Variants in CTRB1 observed in about 807,000 individuals in gnomAD.
CTRB1 encodes the protein chymotrypsinogen B1.
Under a neutral mutation model 20.4 loss-of-function variants are expected in CTRB1, and 15 were observed. The ratio of observed to expected loss-of-function variants is 0.74; its 90% CI spans 0.49 to 1.13. CTRB1 has a LOEUF of 1.13. CTRB1 is among the 50% of genes most tolerant of loss of function. The pLI is 0.00. For synonymous variants in CTRB1, 92 were observed against 128.4 expected, an observed-to-expected ratio of 0.72 and a Z score of 1.92; for missense variants, 227 against 290.1, an observed-to-expected ratio of 0.78 and a Z score of 1.58.
chr16:75,219,409 G>C (rs375234628), intron 1 of CTRB1, among the ~76,000 whole-genome samples: 1 of 148,002 alleles, frequency 6.8e-6, no homozygotes, highest in Non-Finnish European at 1.5e-5. Context: ...TTTTTTTTTC[G>C]AGACAGAATT....
chr16:75,219,259 A>G (rs1463585168), intron 1 of CTRB1, among the ~76,000 whole-genome samples, 200 bp downstream of exon 1: 1 of 152,144 alleles, frequency 6.6e-6, no homozygotes, highest in Non-Finnish European at 1.5e-5. Context: ...GGTCTCTGCC[A>G]TGGTCTGAGG....
rs188453193 is a variant in CTRB1, at chr16:75,222,626, C to G, written c.53-142C>G. 337 of 851,806 alleles carry G rather than the reference C, an allele frequency of 4.0e-4. 5 individuals carry two copies. In the East Asian group the frequency reaches 8.9e-3, roughly 23 times the overall value. The allele number at this position is 851,806 out of a possible 1,614,324, so 52.8% of individuals were successfully genotyped here. A position where few individuals can be genotyped will look rare whatever the true frequency, so the allele number is the denominator to read the frequency against. On this transcript the variant is annotated intron_variant, in intron 1 of 6. Transcript: ENST00000361017. ...CGTTTGAGCCTAGAGACTTGGGGAC[C>G]AGGGAGGCGGAGGCGGCATGTGCCA...
chr16:75,224,730 GC>G lies in CTRB1; in HGVS notation c.658del (p.Gln220LysfsTer?). On this transcript the variant is annotated frameshift_variant, in exon 7 of 7. Coordinates refer to ENST00000361017, the MANE Select transcript of CTRB1 (RefSeq NM_001906.6). LOFTEE classifies it low-confidence loss of function (END_TRUNC). ...CMGDSGGPLV[C>X]QKDGAWTLVG... ...GGCGACTCTGGCGGCCCCCTGGTCT[GC>G]CAAAAGGATGGAGCCTGGACCCTGG... 1 of 1,612,730 alleles carries G rather than the reference GC, an allele frequency of 6.2e-7. No homozygotes were observed. Among genetic ancestry groups the G allele is most frequent in the Non-Finnish European group, 8.5e-7 (1 of 1,179,650 alleles).
In CTRB1 at chr16:75,224,081, C is replaced by G. The variant is rs1215557912; in HGVS notation, c.523C>G (p.Gln175Glu). The G allele has an allele frequency of 5.0e-6, 6 of 1,201,312 alleles. No individual in the cohort carries two copies. The highest frequency in any genetic ancestry group is 3.4e-5 in the African/African-American group (2 of 58,810). 74.4% of individuals were successfully genotyped at this position (1,201,312 alleles called of 1,614,324 possible). The change falls in exon 6 of 7, where the codon CAG becomes GAG. Residue 175 changes from glutamine to glutamate, a missense_variant. This residue lies in a region of CTRB1 where 36 missense variants were observed against 51.6 expected (regional missense o/e 0.70). Coordinates refer to ENST00000361017, the MANE Select transcript of CTRB1 (RefSeq NM_001906.6). ...CAACAAGACCCCTGACAAGCTGCAG[C>G]AGGCAGCCCTGCCCCTCCTGTCCAA... is the stretch of plus-strand genomic sequence containing the variant. ...NANKTPDKLQ[Q>E]AALPLLSNAE...
At chr16:75,219,138 G>GC in intron 1 of CTRB1, 79 bp downstream of exon 1, 2 of 1,435,190 alleles carry the variant, frequency 1.4e-6, no homozygotes, top group Non-Finnish European at 1.9e-6. Flanking sequence ...CCCCTGCTCT[G>GC]CCCCCTGGGG....
intron 1 of CTRB1, among the ~76,000 whole-genome samples, chr16:75,220,510 G>A (rs1228026849): frequency 6.6e-6 from 1 of 152,142 alleles, no homozygotes; most frequent in Non-Finnish European, 1.5e-5. Flanking sequence ...TGTCCAGGCT[G>A]GTCTCGAAAT....
At chr16:75,220,680 GT>G (rs2039070805) in intron 1 of CTRB1, among the ~76,000 whole-genome samples, 1 of 152,214 alleles carries the variant, frequency 6.6e-6, no homozygotes. Flanking sequence ...GCATGTTGAC[GT>G]GGAGTTTCAG....
chr16:75,221,088 T>G (rs566704856), intron 1 of CTRB1, among the ~76,000 whole-genome samples: 1 of 152,312 alleles, frequency 6.6e-6, no homozygotes, highest in East Asian at 1.9e-4. Context: ...GGAGGCACCT[T>G]GCCTGCCTGT....
At chr16:75,221,248 C>G (rs1042896780) in intron 1 of CTRB1, among the ~76,000 whole-genome samples, 1 of 152,202 alleles carries the variant, frequency 6.6e-6, no homozygotes, top group African/African-American at 2.4e-5. Context: ...GAATCTGGTC[C>G]TGACATAGCA....
At chr16:75,224,611 G>A in intron 6 of CTRB1, 94 bp from the exon 7 acceptor site, 4 of 1,390,632 alleles carry the variant, frequency 2.9e-6, no homozygotes, top group Non-Finnish European at 3.9e-6. Flanking sequence ...TGTGTGTGGG[G>A]TCCTGGACTG....
chr16:75,222,435 C>A (rs920128223), intron 1 of CTRB1, among the ~76,000 whole-genome samples: 1 of 152,212 alleles, frequency 6.6e-6, no homozygotes, highest in African/African-American at 2.4e-5. Context: ...CCTGCCCGGT[C>A]TAGGGTCACA....
chr16:75,219,847 C>G (rs964073584), intron 1 of CTRB1, among the ~76,000 whole-genome samples: 5 of 152,226 alleles, frequency 3.3e-5, no homozygotes, highest in Non-Finnish European at 7.3e-5. Flanking sequence ...CCTTCCCTCT[C>G]TGGAATGTGA....
chr16:75,222,300 G>A (rs939783798), intron 1 of CTRB1, among the ~76,000 whole-genome samples: 1 of 152,132 alleles, frequency 6.6e-6, no homozygotes, highest in Non-Finnish European at 1.5e-5. Context: ...GGTGGACTTG[G>A]GGTTATCAGA....
At position 75,219,033 on chromosome 16, in the gene CTRB1, G is replaced by A; in HGVS notation, c.26G>A (p.Cys9Tyr). The change falls in exon 1 of 7, where the codon TGC (cysteine) becomes TAC (tyrosine). Residue 9 changes from cysteine (C) to tyrosine (Y), a missense_variant. This residue lies in a region of CTRB1 where 71 missense variants were observed against 69.1 expected (regional missense o/e 1.03). Coordinates refer to ENST00000361017, the MANE Select transcript of CTRB1 (RefSeq NM_001906.6). MASLWLLS[C>Y]FSLVGAAFGC... is the part of the protein sequence containing the mutation. ...ATGGCTTCCCTCTGGCTCCTCTCCT[G>A]CTTCTCCCTTGTGGGGGCCGCCTTT... is the stretch of plus-strand genomic sequence containing the variant. The A allele has an allele frequency of 6.3e-7, 1 of 1,593,680 alleles. No homozygotes were observed.
intron 1 of CTRB1, among the ~76,000 whole-genome samples, chr16:75,221,915 G>C (rs953390819): frequency 6.6e-6 from 1 of 151,812 alleles, no homozygotes; most frequent in Non-Finnish European, 1.5e-5. Context: ...ACAAAAATTA[G>C]CTGGGCTTGG....
intron 1 of CTRB1, 28 bp from the exon 2 acceptor site, chr16:75,222,740 A>G: frequency 6.5e-7 from 1 of 1,546,616 alleles, no homozygotes; most frequent in South Asian, 1.2e-5. Flanking sequence ...TTGGGGCCTC[A>G]GCCCTTATTC....
At chr16:75,223,691 C>CGCTTCTT in intron 5 of CTRB1, 63 bp downstream of exon 5, 2 of 358,552 alleles carry the variant, frequency 5.6e-6, no homozygotes, top group African/African-American at 6.5e-5. Flanking sequence ...CCCCCGTGAC[C>CGCTTCTT]GTTTGGCTCT....
intron 1 of CTRB1, among the ~76,000 whole-genome samples, chr16:75,221,272 C>T (rs544326711): frequency 4.6e-5 from 7 of 152,282 alleles, no homozygotes; most frequent in African/African-American, 7.2e-5. Flanking sequence ...GCATGGTGGG[C>T]GTGTGTGGAA....
intron 1 of CTRB1, among the ~76,000 whole-genome samples, chr16:75,222,319 C>A (rs188480857): frequency 9.1e-4 from 138 of 152,262 alleles, no homozygotes; most frequent in African/African-American, 3.1e-3. Context: ...GATTTTCTTC[C>A]CACTTCCCCT....
Sources: gnomAD v4.1 joint callset for allele counts (sites outside exome capture counted in the v4.1 genomes callset) on GRCh38, gnomAD v4.1.1 for gene constraint, gnomAD v4.1.1 regional missense constraint, MANE v1.5 for transcripts, NCBI Gene and HGNC (gene_info 2026-07-23, HGNC 2026-07-21) for gene names.